The following CCSER1 variants were observed in gnomAD, a reference collection of about 807,000 sequenced individuals.
The protein encoded by CCSER1 is coiled-coil serine rich protein 1, also known as serine-rich coiled-coil domain-containing protein 1.
Under a neutral mutation model 82.0 loss-of-function variants are expected in CCSER1, and 41 were observed. The ratio of observed to expected loss-of-function variants is 0.50; its 90% CI spans 0.39 to 0.65. The LOEUF (loss-of-function observed/expected upper bound fraction) is 0.65, where lower values mean the gene tolerates loss of function less well. Among genes scored for constraint, CCSER1 ranks in the 30% least tolerant of loss-of-function variants. The probability of loss-of-function intolerance (pLI) is 0.00; values close to 1 mark genes in which losing one functional copy is unlikely to be tolerated. For synonymous variants in CCSER1, 414 were observed against 383.9 expected, an observed-to-expected ratio of 1.08 and a Z score of -0.92; for missense variants, 1,119 against 1,064.2, an observed-to-expected ratio of 1.05 and a Z score of -0.72.
intron 6 of CCSER1, among the ~76,000 whole-genome samples, chr4:90,654,205 A>C (rs942148271): frequency 1.3e-5 from 2 of 152,130 alleles, no homozygotes; most frequent in Non-Finnish European, 2.9e-5. Context: ...ATAAAATTGA[A>C]ATCCGATTAT....
chr4:91,581,965 ACATT>A (rs1027728447), intron 10 of CCSER1, among the ~76,000 whole-genome samples: 1 of 151,706 alleles, frequency 6.6e-6, no homozygotes, highest in Admixed American at 6.6e-5. Flanking sequence ...ACATGCTCAT[ACATT>A]ATTTCTTTCT....
intron 10 of CCSER1, among the ~76,000 whole-genome samples, chr4:91,106,434 T>G (rs1196145091): frequency 6.6e-6 from 1 of 152,212 alleles, no homozygotes; most frequent in South Asian, 2.1e-4. Flanking sequence ...CACAACTGAA[T>G]AATTCTGGAC....
At chr4:90,175,736 A>G (rs1336360618) in intron 1 of CCSER1, among the ~76,000 whole-genome samples, 1 of 152,048 alleles carries the variant, frequency 6.6e-6, no homozygotes, top group Non-Finnish European at 1.5e-5. Flanking sequence ...CAATTTTTAA[A>G]AGTACAGCTT....
chr4:91,477,469 T>C (rs1425990898), intron 10 of CCSER1, among the ~76,000 whole-genome samples: 1 of 151,752 alleles, frequency 6.6e-6, no homozygotes, highest in Non-Finnish European at 1.5e-5. Context: ...TAAAATTATT[T>C]ATAGCTCCAA....
intron 10 of CCSER1, among the ~76,000 whole-genome samples, chr4:91,516,381 T>C (rs1760123535): frequency 6.6e-6 from 1 of 152,212 alleles, no homozygotes; most frequent in African/African-American, 2.4e-5. Context: ...AGTTGATTTT[T>C]GTATACGGTT....
chr4:91,122,317 A>G (rs1048337507), intron 10 of CCSER1, among the ~76,000 whole-genome samples: 2 of 151,786 alleles, frequency 1.3e-5, no homozygotes, highest in Admixed American at 6.6e-5. Context: ...CAAACCTAAG[A>G]TAATTTACTA....
chr4:91,235,750 A>G (rs1738952625), intron 10 of CCSER1, among the ~76,000 whole-genome samples: 1 of 152,100 alleles, frequency 6.6e-6, no homozygotes, highest in Admixed American at 6.6e-5. Flanking sequence ...TTCTGTGTGA[A>G]TGTGTGTTCA....
intron 10 of CCSER1, among the ~76,000 whole-genome samples, chr4:91,336,131 G>A (rs1747309872): frequency 6.6e-6 from 1 of 152,040 alleles, no homozygotes; most frequent in Non-Finnish European, 1.5e-5. Context: ...TGATATCTGT[G>A]TCTATGCACA....
At chr4:91,531,723 A>G (rs926798929) in intron 10 of CCSER1, among the ~76,000 whole-genome samples, 4 of 152,180 alleles carry the variant, frequency 2.6e-5, no homozygotes, top group Admixed American at 6.6e-5. Flanking sequence ...TGCTTCTAAG[A>G]TGACACCTTC....
intron 1 of CCSER1, among the ~76,000 whole-genome samples, chr4:90,209,311 C>T: frequency 6.6e-6 from 1 of 152,156 alleles, no homozygotes; most frequent in East Asian, 1.9e-4. Context: ...AGTGGATTTG[C>T]CCTTGGAGCA....
chr4:90,208,297 T>G (rs1835525), intron 1 of CCSER1, among the ~76,000 whole-genome samples: 1 of 152,182 alleles, frequency 6.6e-6, no homozygotes, highest in Non-Finnish European at 1.5e-5. Context: ...GCTTTGTTTA[T>G]GCTGTAAAGG....
chr4:91,086,056 A>C, intron 10 of CCSER1, 62 bp downstream of exon 10: 1 of 967,952 alleles, frequency 1.0e-6, no homozygotes. Flanking sequence ...TGTTGCAGTG[A>C]TGTGGTGATG....
At chr4:91,211,115 G>A (rs116693568) in intron 10 of CCSER1, among the ~76,000 whole-genome samples, 63 of 152,008 alleles carry the variant, frequency 4.1e-4, no homozygotes, top group Non-Finnish European at 5.0e-4. Flanking sequence ...GTTTGCAAAC[G>A]AACACGGTGG....
At chr4:91,550,964 T>A (rs1020098263) in intron 10 of CCSER1, among the ~76,000 whole-genome samples, 15 of 152,292 alleles carry the variant, frequency 9.8e-5, no homozygotes, top group African/African-American at 3.4e-4. Flanking sequence ...GTTCATGACT[T>A]ACTTTAAGAA....
intron 9 of CCSER1, among the ~76,000 whole-genome samples, chr4:90,938,470 T>C (rs1731219457): frequency 6.6e-6 from 1 of 152,054 alleles, no homozygotes. Context: ...GCATGTTTAA[T>C]TGGAAGTTGG....
chr4:90,406,785 A>G (rs541189214), intron 4 of CCSER1, among the ~76,000 whole-genome samples: 2 of 152,306 alleles, frequency 1.3e-5, no homozygotes, highest in South Asian at 4.1e-4. Context: ...TCAAGATGGA[A>G]CTTAAAAAAT....
intron 10 of CCSER1, among the ~76,000 whole-genome samples, chr4:91,316,307 T>C (rs1380122256): frequency 2.0e-5 from 3 of 152,012 alleles, no homozygotes; most frequent in Admixed American, 2.0e-4. Context: ...TCAAAGAACA[T>C]GGAACAATGC....
At position 91,603,892 on chromosome 4, in the gene CCSER1, T is replaced by G. The variant is rs1764892264; in HGVS notation, c.*4835T>G. 1 of 151,964 alleles carries G rather than the reference T, an allele frequency of 6.6e-6. No individual in the cohort carries two copies. The highest frequency in any genetic ancestry group is 1.5e-5 in the Non-Finnish European group (1 of 67,968). 9.4% of individuals were successfully genotyped at this position (151,964 alleles called of 1,614,324 possible). ...TCTGGCCTCTTCCTCTTCTAATAAC[T>G]ACAATAATTTCATCATGGGGGCCCC... is the stretch of plus-strand genomic sequence containing the variant. On this transcript the variant is annotated 3_prime_UTR_variant, in exon 11 of 11. Coordinates refer to ENST00000509176, the MANE Select transcript of CCSER1 (RefSeq NM_001145065.2).
At chr4:90,763,280 G>A (rs1385974343) in intron 7 of CCSER1, among the ~76,000 whole-genome samples, 1 of 151,988 alleles carries the variant, frequency 6.6e-6, no homozygotes, top group Non-Finnish European at 1.5e-5. Flanking sequence ...TGGGTGGAGA[G>A]AGGTCAAGCA....
Sources: gnomAD v4.1 joint callset for allele counts (sites outside exome capture counted in the v4.1 genomes callset) on GRCh38, gnomAD v4.1.1 for gene constraint, MANE v1.5 for transcripts, NCBI Gene and HGNC (gene_info 2026-07-23, HGNC 2026-07-21) for gene names.